Variants in NEDD4L observed in about 807,000 individuals in gnomAD.
NEDD4L encodes the protein NEDD4 like E3 ubiquitin protein ligase.
In NEDD4L, 54 loss-of-function variants were observed where a neutral mutation model predicts 148.9. The observed-to-expected ratio is 0.36, with a 90% CI of 0.29 to 0.45. The LOEUF is 0.45. NEDD4L is among the 20% of genes least tolerant of loss of function. The probability of loss-of-function intolerance (pLI) is 1.00; values close to 1 mark genes in which losing one functional copy is unlikely to be tolerated. For missense variants in NEDD4L, 856 were observed against 1,233.8 expected (o/e 0.69, Z 4.59); for synonymous variants, 433 against 440.7 (o/e 0.98, Z 0.22).
chr18:58,392,035 G>T (rs974336503), intron 30 of NEDD4L, among the ~76,000 whole-genome samples: 2 of 152,250 alleles, frequency 1.3e-5, no homozygotes, highest in African/African-American at 2.4e-5. Flanking sequence ...TCGGAGGAGG[G>T]TAAGAGGGCT....
chr18:58,227,335 G>A (rs1378403630), intron 2 of NEDD4L, among the ~76,000 whole-genome samples: 1 of 152,198 alleles, frequency 6.6e-6, no homozygotes, highest in East Asian at 1.9e-4. Flanking sequence ...ACTTAGGAGG[G>A]TCTGTGTGAG....
chr18:58,143,848 G>A (rs2033818309), intron 1 of NEDD4L, among the ~76,000 whole-genome samples: 1 of 152,166 alleles, frequency 6.6e-6, no homozygotes, highest in Admixed American at 6.5e-5. Context: ...TACGTGCTAG[G>A]TTGTCTCACA....
intron 5 of NEDD4L, among the ~76,000 whole-genome samples, chr18:58,296,379 A>C (rs185847355): frequency 2.2e-4 from 34 of 152,260 alleles, no homozygotes; most frequent in African/African-American, 7.7e-4. Context: ...TGCTGTACCA[A>C]ACTACTACCA....
At chr18:58,059,385 A>ACCATATTT (rs2082225373) in intron 1 of NEDD4L, among the ~76,000 whole-genome samples, 2 of 152,020 alleles carry the variant, frequency 1.3e-5, no homozygotes, top group Non-Finnish European at 2.9e-5. Context: ...ATTGCTTTAT[A>ACCATATTT]CCATATTTCC....
chr18:58,094,871 T>C (rs2084289909), intron 1 of NEDD4L, among the ~76,000 whole-genome samples: 1 of 149,160 alleles, frequency 6.7e-6, no homozygotes, highest in Admixed American at 6.8e-5. Context: ...TAAGGCTTGA[T>C]TGCCGTGAAT....
chr18:58,094,485 C>G (rs1478710448), intron 1 of NEDD4L, among the ~76,000 whole-genome samples: 2 of 149,216 alleles, frequency 1.3e-5, no homozygotes, highest in African/African-American at 5.1e-5. Flanking sequence ...CTGCACCCAG[C>G]CACTCCTGCA....
At chr18:58,325,200 CACT>C (rs2059204819) in intron 9 of NEDD4L, 38 bp downstream of exon 9, 1 of 1,608,348 alleles carries the variant, frequency 6.2e-7, no homozygotes, top group Non-Finnish European at 8.5e-7. Context: ...CGTGCACGTG[CACT>C]GCACAGCTAG....
intron 11 of NEDD4L, among the ~76,000 whole-genome samples, chr18:58,332,557 A>G (rs2041135062): frequency 6.6e-6 from 1 of 152,134 alleles, no homozygotes; most frequent in South Asian, 2.1e-4. Flanking sequence ...CCAAGGCCCA[A>G]AAATTTCTTG....
Position 58,364,610 on chromosome 18 carries a change from A to G in NEDD4L, c.1833+277A>G, listed in dbSNP as rs533455327. 7.9e-5 allele frequency among the ~76,000 whole-genome samples: 12 copies of G among 152,340 alleles called. No individual in the cohort carries two copies. The East Asian group carries it at 1.9e-3, about 24-fold the overall frequency. On this transcript the variant is annotated intron_variant, in intron 20 of 30. Transcript: ENST00000400345. ...GACAGGAATGATTTTTATGGGATAT[A>G]AAATAATTCAGAACCCTAGTCACAA... is the stretch of plus-strand genomic sequence containing the variant.
intron 1 of NEDD4L, among the ~76,000 whole-genome samples, chr18:58,053,317 TTTTTC>T (rs1287555002): frequency 6.6e-6 from 1 of 152,036 alleles, no homozygotes; most frequent in Non-Finnish European, 1.5e-5. Context: ...CAATTTTTTT[TTTTTC>T]TTTCCAGATG....
chr18:58,222,834 A>G (rs1240803323), intron 2 of NEDD4L, among the ~76,000 whole-genome samples: 1 of 152,236 alleles, frequency 6.6e-6, no homozygotes, highest in East Asian at 1.9e-4. Context: ...TTTAATGTTT[A>G]TTCTTTAATA....
chr18:58,335,739 A>G lies in NEDD4L; in HGVS notation c.1125+202A>G, dbSNP rs145874084. 6.0e-4 allele frequency: 292 copies of G among 488,498 alleles called. 4 individuals are homozygous for G. In the East Asian group the frequency reaches 9.4e-3, roughly 16 times the overall value. 30.3% of individuals were successfully genotyped at this position (488,498 alleles called of 1,614,324 possible). A position where few individuals can be genotyped will look rare whatever the true frequency, so the allele number is the denominator to read the frequency against. ...AAAATAGAATGATTTTTTTAGTCCC[A>G]CATAATTTTATTAGGAATACTATCA... On this transcript the variant is annotated intron_variant, in intron 13 of 30. Transcript: ENST00000400345.
chr18:58,091,223 G>A (rs1413967074), intron 1 of NEDD4L: 3 of 152,220 alleles, frequency 2.0e-5, no homozygotes, highest in Non-Finnish European at 4.4e-5. Context: ...CACTGGCTAG[G>A]TTCCAGTTGC....
At chr18:58,396,034 G>A in intron 30 of NEDD4L, 133 bp from the exon 31 acceptor site, 1 of 582,216 alleles carries the variant, frequency 1.7e-6, no homozygotes, top group Non-Finnish European at 3.1e-6. Flanking sequence ...AGGTTTTTGG[G>A]GTTTTTTTCT....
At chr18:58,246,483 A>C (rs2047275295) in intron 3 of NEDD4L, among the ~76,000 whole-genome samples, 1 of 152,068 alleles carries the variant, frequency 6.6e-6, no homozygotes, top group Non-Finnish European at 1.5e-5. Flanking sequence ...ATTTAGTTTG[A>C]GATGGAGTGT....
chr18:58,374,698 A>T (rs2047329720), intron 24 of NEDD4L, among the ~76,000 whole-genome samples: 1 of 151,482 alleles, frequency 6.6e-6, no homozygotes, highest in East Asian at 1.9e-4. Flanking sequence ...CCCCCCAGAG[A>T]CACCTGCAAG....
At chr18:58,393,661 A>AC (rs2050117295) in intron 30 of NEDD4L, among the ~76,000 whole-genome samples, 2 of 152,108 alleles carry the variant, frequency 1.3e-5, no homozygotes, top group Admixed American at 6.5e-5. Context: ...TTTCCTCCCT[A>AC]CCTGACCCTG....
chr18:58,323,907 T>A (rs2059078090), intron 8 of NEDD4L, among the ~76,000 whole-genome samples: 1 of 152,142 alleles, frequency 6.6e-6, no homozygotes, highest in Non-Finnish European at 1.5e-5. Context: ...AGCACACACC[T>A]CGGCCAGTGC....
intron 5 of NEDD4L, among the ~76,000 whole-genome samples, chr18:58,303,180 GAA>G (rs770725392): frequency 1.3e-5 from 2 of 152,174 alleles, no homozygotes; most frequent in Non-Finnish European, 2.9e-5. Context: ...GTGATTCTTG[GAA>G]AAAGTCATGA....
Sources: allele counts gnomAD v4.1 joint callset (sites outside exome capture counted in the v4.1 genomes callset), GRCh38; gene constraint gnomAD v4.1.1; transcripts MANE v1.5; gene names NCBI Gene and HGNC (gene_info 2026-07-23, HGNC 2026-07-21).